Variants in PPARGC1A observed in about 807,000 individuals in gnomAD.
PPARGC1A encodes peroxisome proliferator-activated receptor gamma coactivator 1-alpha.
PPARGC1A carries 25 observed loss-of-function variants against 88.7 expected under a neutral mutation model. That is an observed-to-expected ratio of 0.28 (90% CI 0.21 to 0.39). The LOEUF (loss-of-function observed/expected upper bound fraction) is 0.39, where lower values mean the gene tolerates loss of function less well. Among genes scored for constraint, PPARGC1A ranks in the 10% least tolerant of loss-of-function variants. The pLI is 1.00. For missense variants in PPARGC1A, 880 were observed against 968.7 expected (o/e 0.91, Z 1.22); for synonymous variants, 363 against 355.6 (o/e 1.02, Z -0.24).
chr4:24,009,150 A>AAAAAAGAGAG, the PPARGC1A span, among the ~76,000 whole-genome samples: 7 of 79,798 alleles, frequency 8.8e-5, no homozygotes, highest in South Asian at 4.3e-4. Flanking sequence ...AAAAAAAAAA[A>AAAAAAGAGAG]AGAGAGAGAA....
At chr4:24,193,841 C>G in the PPARGC1A span, among the ~76,000 whole-genome samples, 1 of 152,016 alleles carries the variant, frequency 6.6e-6, no homozygotes, top group African/African-American at 2.4e-5. Flanking sequence ...AAGAGTACAC[C>G]AATGGGGCCA....
the PPARGC1A span, among the ~76,000 whole-genome samples, chr4:24,108,199 C>T: frequency 7.2e-5 from 11 of 152,144 alleles, no homozygotes; most frequent in Admixed American, 5.2e-4. Flanking sequence ...AGAGGGTGCT[C>T]CTGTGAGAGA....
chr4:24,433,329 C>T, the PPARGC1A span, among the ~76,000 whole-genome samples: 1 of 151,972 alleles, frequency 6.6e-6, no homozygotes, highest in African/African-American at 2.4e-5. Context: ...TTTTTTAATA[C>T]CATGAATAAA....
chr4:24,323,231 T>C, the PPARGC1A span, among the ~76,000 whole-genome samples: 1 of 152,198 alleles, frequency 6.6e-6, no homozygotes, highest in South Asian at 2.1e-4. Context: ...AAGTCATTTA[T>C]CTGTCCAAGC....
intron 1 of PPARGC1A, among the ~76,000 whole-genome samples, chr4:23,886,438 G>A (rs1369990798): frequency 6.6e-6 from 1 of 152,022 alleles, no homozygotes; most frequent in Non-Finnish European, 1.5e-5. Context: ...GTAAGGGGAG[G>A]ATGGGGGGAG....
chr4:23,917,289 C>T, the PPARGC1A span, among the ~76,000 whole-genome samples: 40 of 152,086 alleles, frequency 2.6e-4, 1 homozygote, highest in Non-Finnish European at 1.0e-4. Context: ...GCAGATTTCA[C>T]AGTTATATTA....
the PPARGC1A span, among the ~76,000 whole-genome samples, chr4:23,914,470 C>T: frequency 6.6e-6 from 1 of 152,276 alleles, no homozygotes; most frequent in Admixed American, 6.5e-5. Context: ...CAATCTCAGG[C>T]TGTCTGACTC....
At chr4:23,992,363 T>C in the PPARGC1A span, among the ~76,000 whole-genome samples, 1 of 151,738 alleles carries the variant, frequency 6.6e-6, no homozygotes, top group Non-Finnish European at 1.5e-5. Flanking sequence ...TATACTATTA[T>C]TACTATTCTG....
chr4:24,072,389 A>G, the PPARGC1A span, among the ~76,000 whole-genome samples: 1 of 151,676 alleles, frequency 6.6e-6, no homozygotes, highest in Non-Finnish European at 1.5e-5. Flanking sequence ...TCCCAAGGGG[A>G]ATTATGAGAG....
chr4:23,863,010 C>T (rs1731515040), intron 2 of PPARGC1A, among the ~76,000 whole-genome samples: 1 of 152,114 alleles, frequency 6.6e-6, no homozygotes, highest in African/African-American at 2.4e-5. Context: ...GTCCTCTTCT[C>T]ATTCTCTCAT....
At chr4:24,451,481 T>C in the PPARGC1A span, among the ~76,000 whole-genome samples, 4 of 152,228 alleles carry the variant, frequency 2.6e-5, no homozygotes, top group African/African-American at 9.6e-5. Context: ...CTACCTACAT[T>C]ACAGTCATTA....
chr4:24,106,753 C>T, the PPARGC1A span, among the ~76,000 whole-genome samples: 3 of 152,184 alleles, frequency 2.0e-5, no homozygotes, highest in Admixed American at 2.0e-4. Context: ...TCCCTTGCTT[C>T]GGTCAATAGT....
the PPARGC1A span, among the ~76,000 whole-genome samples, chr4:24,341,685 T>C: frequency 6.6e-6 from 1 of 152,080 alleles, no homozygotes; most frequent in Non-Finnish European, 1.5e-5. Flanking sequence ...GAAGAAGACA[T>C]ACAAGAAAGA....
At chr4:24,064,607 T>C in the PPARGC1A span, among the ~76,000 whole-genome samples, 1 of 151,988 alleles carries the variant, frequency 6.6e-6, no homozygotes, top group Admixed American at 6.6e-5. Context: ...ACACAGCTCA[T>C]ATAAAGACAC....
chr4:23,813,001 A>C lies in PPARGC1A; in HGVS notation c.1898+20T>G. ...AGGAGGGGATAAAGGGAGCTAAAGG[A>C]AAATGACATGCCTCATTACCTGGGC... On this transcript the variant is annotated intron_variant, in intron 9 of 12. Transcript: ENST00000264867. The C allele has an allele frequency of 6.2e-7, 1 of 1,612,940 alleles. No homozygotes were observed. Among genetic ancestry groups the C allele is most frequent in the Non-Finnish European group, 8.5e-7 (1 of 1,178,948 alleles).
the PPARGC1A span, among the ~76,000 whole-genome samples, chr4:24,466,988 AGGGAGGG>A: frequency 7.4e-6 from 1 of 135,056 alleles, no homozygotes; most frequent in Non-Finnish European, 1.6e-5. Flanking sequence ...GAAAGAAAGG[AGGGAGGG>A]AGGAAGGAAG....
the PPARGC1A span, among the ~76,000 whole-genome samples, chr4:23,909,792 G>C: frequency 6.6e-6 from 1 of 151,690 alleles, no homozygotes; most frequent in Non-Finnish European, 1.5e-5. Flanking sequence ...ACCTAGCTTG[G>C]CATCTAGTAG....
At chr4:24,007,178 C>T in the PPARGC1A span, among the ~76,000 whole-genome samples, 2 of 152,138 alleles carry the variant, frequency 1.3e-5, no homozygotes, top group South Asian at 2.1e-4. Context: ...CATTCCATCA[C>T]GATCTTCTGT....
the PPARGC1A span, among the ~76,000 whole-genome samples, chr4:24,322,180 A>C: frequency 6.6e-6 from 1 of 152,170 alleles, no homozygotes; most frequent in Non-Finnish European, 1.5e-5. Flanking sequence ...GCCTCCGCTT[A>C]TTTTGCCCAC....
Sources: gnomAD v4.1 joint callset for allele counts (sites outside exome capture counted in the v4.1 genomes callset) on GRCh38, gnomAD v4.1.1 for gene constraint, MANE v1.5 for transcripts, NCBI Gene and HGNC (gene_info 2026-07-23, HGNC 2026-07-21) for gene names.